RAB39B: variants seen among roughly 807,000 people sequenced by gnomAD.
RAB39B encodes the protein RAB39B, member RAS oncogene family.
For missense variants in RAB39B, 68 were observed against 171.3 expected, an observed-to-expected ratio of 0.40 and a Z score of 3.37; for synonymous variants, 63 against 67.5, an observed-to-expected ratio of 0.93 and a Z score of 0.33.
In RAB39B at chrX:155,264,377, G is replaced by T; in HGVS notation, c.-89C>A. 2 of 896,392 alleles carry T rather than the reference G, an allele frequency of 2.2e-6. No individual in the cohort carries two copies. Among genetic ancestry groups the T allele is most frequent in the Non-Finnish European group, 3.2e-6 (2 of 619,117 alleles). The allele number at this position is 896,392 out of a possible 1,213,427, so 73.9% of individuals were successfully genotyped here. On this transcript the variant is annotated 5_prime_UTR_variant, in exon 1 of 2. Transcript: ENST00000369454. ...CGCCTCAGAGAGCGCGGCTCGGCAG[G>T]ATCTAGCTCAGCCGCGAGCGCATCG...
chrX:155,263,661 GCA>G (rs2074860119), intron 1 of RAB39B, among the ~76,000 whole-genome samples: 1 of 112,577 alleles, frequency 8.9e-6, no homozygotes, highest in Admixed American at 9.3e-5. Flanking sequence ...ATATATATGT[GCA>G]CACACACAGA....
At chrX:155,262,868 C>T (rs1383814655) in intron 1 of RAB39B, among the ~76,000 whole-genome samples, 1 of 112,114 alleles carries the variant, frequency 8.9e-6, no homozygotes, top group East Asian at 2.8e-4. Flanking sequence ...AATGCAATCG[C>T]AAGTTCAAAG....
At position 155,259,840 on chromosome X, in the gene RAB39B, C is replaced by T. The variant is rs1347492829; in HGVS notation, c.*963G>A. 8.9e-6 allele frequency: 1 copy of T among 111,778 alleles called. No individual in the cohort carries two copies. Among genetic ancestry groups the T allele is most frequent in the Non-Finnish European group, 1.9e-5 (1 of 53,132 alleles). 9.2% of individuals were successfully genotyped at this position (111,778 alleles called of 1,213,427 possible). A position where few individuals can be genotyped will look rare whatever the true frequency, so the allele number is the denominator to read the frequency against. On this transcript the variant is annotated 3_prime_UTR_variant, in exon 2 of 2. Coordinates refer to ENST00000369454, the MANE Select transcript of RAB39B (RefSeq NM_171998.4). ...CTATTCTGTAAAATGGGGCAAAAAC[C>T]TCGTAGGCCTGTTATGATGATCAAA... is the stretch of plus-strand genomic sequence containing the variant.
In RAB39B at chrX:155,259,045, C is replaced by A. The variant is rs868970794; in HGVS notation, c.*1758G>T. ...ATTTTCATGATTTGGTTTCTTTATTCTGGCTAAAGCAAATTCCCAAAGTTT... is the reference window on the plus strand; with the variant it reads ...ATTTTCATGATTTGGTTTCTTTATTATGGCTAAAGCAAATTCCCAAAGTTT... On this transcript the variant is annotated 3_prime_UTR_variant, in exon 2 of 2. Coordinates refer to ENST00000369454, the MANE Select transcript of RAB39B (RefSeq NM_171998.4). 8.9e-6 allele frequency: 1 copy of A among 112,259 alleles called. No individual in the cohort carries two copies. Among genetic ancestry groups the A allele is most frequent in the Non-Finnish European group, 1.9e-5 (1 of 53,251 alleles). The allele number at this position is 112,259 out of a possible 1,213,427, so 9.3% of individuals were successfully genotyped here. A position where few individuals can be genotyped will look rare whatever the true frequency, so the allele number is the denominator to read the frequency against.
At position 155,260,914 on chromosome X, in the gene RAB39B, C is replaced by A. The variant is rs146900062; in HGVS notation, c.531G>T (p.Arg177Ser). ...AGCCCTCCTGGATTGTAATCTCCCC[C>A]CTTTTAACCAGCTCATATATGTCTC... Reference protein sequence around the residue: ...LTRDIYELVKRGEITIQEGWE... With the variant: ...LTRDIYELVKSGEITIQEGWE... Residue 177 changes from arginine (R) to serine (S), a missense_variant, in exon 2 of 2, where the codon AGG (arginine) becomes AGT (serine). Coordinates refer to ENST00000369454, the MANE Select transcript of RAB39B (RefSeq NM_171998.4). The A allele has an allele frequency of 2.6e-5, 31 of 1,209,555 alleles. No homozygotes were observed. The highest frequency in any genetic ancestry group is 2.0e-4 in the Admixed American group (9 of 45,792).
In RAB39B at chrX:155,258,653, A is replaced by G. The variant is rs1270170672; in HGVS notation, c.*2150T>C. On this transcript the variant is annotated 3_prime_UTR_variant, in exon 2 of 2. Coordinates refer to ENST00000369454, the MANE Select transcript of RAB39B (RefSeq NM_171998.4). ...ATTTTTAAACCTGCCAGAAAATGCC[A>G]GGAGTGGGAATACTGTACATATAAT... 1 of 112,674 alleles carries G rather than the reference A, an allele frequency of 8.9e-6. No individual in the cohort carries two copies. The highest frequency in any genetic ancestry group is 1.9e-5 in the Non-Finnish European group (1 of 53,330). The allele number at this position is 112,674 out of a possible 1,213,427, so 9.3% of individuals were successfully genotyped here. A position where few individuals can be genotyped will look rare whatever the true frequency, so the allele number is the denominator to read the frequency against.
Position 155,259,260 on chromosome X carries a change from C to T in RAB39B, c.*1543G>A, listed in dbSNP as rs1466372883. The T allele has an allele frequency of 9.0e-6, 1 of 111,151 alleles. No homozygotes were observed. The highest frequency in any genetic ancestry group is 1.9e-5 in the Non-Finnish European group (1 of 53,025). The allele number at this position is 111,151 out of a possible 1,213,427, so 9.2% of individuals were successfully genotyped here. A position where few individuals can be genotyped will look rare whatever the true frequency, so the allele number is the denominator to read the frequency against. On this transcript the variant is annotated 3_prime_UTR_variant, in exon 2 of 2. Coordinates refer to ENST00000369454, the MANE Select transcript of RAB39B (RefSeq NM_171998.4). The stretch of plus-strand genomic sequence containing the variant: ...ATCCAAAAAGTAATTTAAAGCATCA[C>T]CTCTCTTCAAGAAAATAATGGAAAC...
rs2074841183 is a variant in RAB39B at position 155,258,393 on chromosome X, T to C, written c.*2410A>G. On this transcript the variant is annotated 3_prime_UTR_variant, in exon 2 of 2. Transcript: ENST00000369454. ...AAATATGAGACAATCTAATCCAACA[T>C]GCAGTTGTGGTCTTTGTTACAAGTT... The C allele has an allele frequency of 8.9e-6, 1 of 112,768 alleles. No individual in the cohort carries two copies. Among genetic ancestry groups the C allele is most frequent in the Non-Finnish European group, 1.9e-5 (1 of 53,336 alleles). 9.3% of individuals were successfully genotyped at this position (112,768 alleles called of 1,213,427 possible).
rs1489372279 is a variant in RAB39B at position 155,264,452 on chromosome X, G to A, written c.-164C>T. The A allele has an allele frequency of 1.3e-5, 6 of 464,791 alleles. No homozygotes were observed. Among genetic ancestry groups the A allele is most frequent in the Middle Eastern group, 5.9e-4 (1 of 1,690 alleles). The allele number at this position is 464,791 out of a possible 1,213,427, so 38.3% of individuals were successfully genotyped here. On this transcript the variant is annotated 5_prime_UTR_variant, in exon 1 of 2. Transcript: ENST00000369454. Reference sequence around the variant, plus strand: ...TAGGCCCAGGCGCCGGGAGAGCGGAGGGATGGATGCTGCGCTCGCAAAGGT... The same window carrying A: ...TAGGCCCAGGCGCCGGGAGAGCGGAAGGATGGATGCTGCGCTCGCAAAGGT...
chrX:155,261,228 A>C lies in RAB39B; in HGVS notation c.217T>G (p.Ser73Ala), dbSNP rs782148835. The C allele has an allele frequency of 8.3e-7, 1 of 1,201,098 alleles. No individual in the cohort carries two copies. The highest frequency in any genetic ancestry group is 1.1e-6 in the Non-Finnish European group (1 of 887,941). Reference sequence around the variant, plus strand: ...TTCCTGTAGTAGGCGCGAGTGATGGATCTAAAACACAAGAAAGAAGTAAAG... The same window carrying C: ...TTCCTGTAGTAGGCGCGAGTGATGGCTCTAAAACACAAGAAAGAAGTAAAG... ...WDTAGQERFR[S>A]ITRAYYRNSV... Residue 73 changes from serine to alanine, a missense_variant and splice_region_variant, in exon 2 of 2, where the codon TCC (serine) becomes GCC (alanine). Coordinates refer to ENST00000369454, the MANE Select transcript of RAB39B (RefSeq NM_171998.4).
Position 155,264,375 on chromosome X carries a change from A to G in RAB39B, c.-87T>C. The G allele has an allele frequency of 1.1e-6, 1 of 904,801 alleles. No individual in the cohort carries two copies. The highest frequency in any genetic ancestry group is 1.9e-5 in the African/African-American group (1 of 52,061). The allele number at this position is 904,801 out of a possible 1,213,427, so 74.6% of individuals were successfully genotyped here. ...GACGCCTCAGAGAGCGCGGCTCGGCAGGATCTAGCTCAGCCGCGAGCGCAT... is the reference window on the plus strand; with the variant it reads ...GACGCCTCAGAGAGCGCGGCTCGGCGGGATCTAGCTCAGCCGCGAGCGCAT... On this transcript the variant is annotated 5_prime_UTR_variant, in exon 1 of 2. Coordinates refer to ENST00000369454, the MANE Select transcript of RAB39B (RefSeq NM_171998.4).
intron 1 of RAB39B, among the ~76,000 whole-genome samples, chrX:155,262,179 AT>A (rs1191720648): frequency 1.3e-4 from 15 of 111,842 alleles, no homozygotes; most frequent in African/African-American, 1.6e-4. Context: ...GACTACTGTG[AT>A]TTTTTTTACC....
At chrX:155,261,647 T>C (rs2074854131) in intron 1 of RAB39B, among the ~76,000 whole-genome samples, 1 of 111,584 alleles carries the variant, frequency 9.0e-6, no homozygotes, top group Non-Finnish European at 1.9e-5. Context: ...TGAGGCAAAA[T>C]GAAACAATGG....
rs1158942837 is a variant in RAB39B, at chrX:155,264,318, G to C, written c.-30C>G. 7.7e-6 allele frequency: 9 copies of C among 1,173,846 alleles called. No individual in the cohort carries two copies. In the Admixed American group the frequency reaches 1.7e-4, roughly 23 times the overall value. ...GCGGCTCTGCAGGTCTCCTTGGCCC[G>C]GACCGGGGACGGCGGGAGGGGGCGC... On this transcript the variant is annotated 5_prime_UTR_variant, in exon 1 of 2. Transcript: ENST00000369454.
In RAB39B at chrX:155,264,061, A is replaced by T. The variant is rs981086741; in HGVS notation, c.215+13T>A. 7 of 1,203,499 alleles carry T rather than the reference A, an allele frequency of 5.8e-6. No homozygotes were observed. Among genetic ancestry groups the T allele is most frequent in the Non-Finnish European group, 6.7e-6 (6 of 890,088 alleles). The stretch of plus-strand genomic sequence containing the variant: ...ACCCTCCCACTGCTTGCGGGCCCGG[A>T]CTGCGCTCCCACCTGAACCTCTCTT... On this transcript the variant is annotated intron_variant, in intron 1 of 1. Coordinates refer to ENST00000369454, the MANE Select transcript of RAB39B (RefSeq NM_171998.4).
intron 1 of RAB39B, among the ~76,000 whole-genome samples, chrX:155,263,273 T>C (rs1018817982): frequency 2.7e-5 from 3 of 112,467 alleles, no homozygotes; most frequent in South Asian, 3.6e-4. Context: ...TTACAAATAA[T>C]ACATGCTACA....
rs2074862639 is a variant in RAB39B at position 155,264,363 on chromosome X, G to A, written c.-75C>T. 8.2e-6 allele frequency: 8 copies of A among 977,970 alleles called. No homozygotes were observed. The highest frequency in any genetic ancestry group is 7.8e-5 in the South Asian group (4 of 51,260). The allele number at this position is 977,970 out of a possible 1,213,427, so 80.6% of individuals were successfully genotyped here. On this transcript the variant is annotated 5_prime_UTR_variant, in exon 1 of 2. Transcript: ENST00000369454. ...GGGCGCCCCGCCGACGCCTCAGAGA[G>A]CGCGGCTCGGCAGGATCTAGCTCAG...
rs1557314167 is a variant in RAB39B, at chrX:155,260,533, G to A, written c.*270C>T. The A allele has an allele frequency of 7.8e-6, 3 of 383,414 alleles. No homozygotes were observed. Among genetic ancestry groups the A allele is most frequent in the African/African-American group, 2.5e-5 (1 of 39,410 alleles). 31.6% of individuals were successfully genotyped at this position (383,414 alleles called of 1,213,427 possible). A position where few individuals can be genotyped will look rare whatever the true frequency, so the allele number is the denominator to read the frequency against. ...CCTAAACCCCAGGCCTTTAACATGT[G>A]GTCCACAAAGGGCTCATGGAGCAGC... On this transcript the variant is annotated 3_prime_UTR_variant, in exon 2 of 2. Coordinates refer to ENST00000369454, the MANE Select transcript of RAB39B (RefSeq NM_171998.4).
chrX:155,262,800 T>C (rs1444710628), intron 1 of RAB39B, among the ~76,000 whole-genome samples: 2 of 112,332 alleles, frequency 1.8e-5, no homozygotes, highest in Admixed American at 1.9e-4. Flanking sequence ...GAACAGGCTG[T>C]TCATATAGAA....
Sources: allele counts gnomAD v4.1 joint callset (sites outside exome capture counted in the v4.1 genomes callset), GRCh38; gene constraint gnomAD v4.1.1; transcripts MANE v1.5; gene names NCBI Gene and HGNC (gene_info 2026-07-23, HGNC 2026-07-21).